Variants in SIPA1L3 observed in about 807,000 individuals in gnomAD.
The protein encoded by SIPA1L3 is signal induced proliferation associated 1 like 3.
A neutral mutation model predicts 150.1 loss-of-function variants in SIPA1L3; 59 were observed. The ratio of observed to expected loss-of-function variants is 0.39; its 90% CI spans 0.32 to 0.49. SIPA1L3 has a LOEUF of 0.49. Ranked by LOEUF, SIPA1L3 falls within the 20% of genes least tolerant of loss-of-function variation. The pLI is 0.86. For synonymous variants in SIPA1L3, 1,070 were observed against 1,077.6 expected (o/e 0.99, Z 0.14); for missense variants, 2,211 against 2,489.5 (o/e 0.89, Z 2.38).
intron 7 of SIPA1L3, 98 bp downstream of exon 7, chr19:38,106,738 C>A: frequency 1.2e-6 from 1 of 813,082 alleles, no homozygotes; most frequent in South Asian, 1.5e-5. Context: ...TATGGAGGCC[C>A]TTGACCTTGG....
At chr19:38,097,605 G>A (rs1970408597) in intron 4 of SIPA1L3, among the ~76,000 whole-genome samples, 1 of 152,144 alleles carries the variant, frequency 6.6e-6, no homozygotes, top group South Asian at 2.1e-4. Flanking sequence ...TGCCCAGGCT[G>A]GAGTGCAATG....
intron 1 of SIPA1L3, among the ~76,000 whole-genome samples, chr19:37,998,638 A>G (rs1354848634): frequency 6.6e-6 from 1 of 152,062 alleles, no homozygotes; most frequent in Admixed American, 6.6e-5. Flanking sequence ...AAATAAATTA[A>G]TTAACCAGAC....
rs372585991 is a variant in SIPA1L3 at position 38,022,144 on chromosome 19, C to T, written c.-378-6945C>T. 8.5e-5 allele frequency among the ~76,000 whole-genome samples: 13 copies of T among 152,224 alleles called. No homozygotes were observed. In the East Asian group the frequency reaches 9.6e-4, roughly 11 times the overall value. ...AAATCCCTCCTGGCTGTGCCGTCTA[C>T]TTGCTGTGTGATCTTGGGCAAGGTA... On this transcript the variant is annotated intron_variant, in intron 1 of 21. Transcript: ENST00000222345.
At chr19:38,030,592 T>G (rs1968625163) in intron 2 of SIPA1L3, among the ~76,000 whole-genome samples, 1 of 146,158 alleles carries the variant, frequency 6.8e-6, no homozygotes, top group Non-Finnish European at 1.5e-5. Flanking sequence ...TAATGGGTAT[T>G]TACACATATT....
chr19:38,198,262 C>G, intron 18 of SIPA1L3, 127 bp from the exon 19 acceptor site: 1 of 1,131,752 alleles, frequency 8.8e-7, no homozygotes. Context: ...CACTCCCAGA[C>G]CCCTTACCCT....
At chr19:38,192,009 C>A in intron 16 of SIPA1L3, 136 bp from the exon 17 acceptor site, 1 of 730,580 alleles carries the variant, frequency 1.4e-6, no homozygotes, top group Non-Finnish European at 2.2e-6. Flanking sequence ...CCCCTCTCTG[C>A]CACGCGTTTG....
Position 38,082,316 on chromosome 19 carries a change from A to C in SIPA1L3, c.751A>C (p.Met251Leu), listed in dbSNP as rs1246183328. 2 of 1,599,028 alleles carry C rather than the reference A, an allele frequency of 1.3e-6. No individual in the cohort carries two copies. The highest frequency in any genetic ancestry group is 1.7e-6 in the Non-Finnish European group (2 of 1,179,132). Reference sequence around the variant, plus strand: ...CCGGGCAGATCCTGGCCCACACCTCATGGGGGGCGGCGGCGGAGCCAAGGG... The same window carrying C: ...CCGGGCAGATCCTGGCCCACACCTCCTGGGGGGCGGCGGCGGAGCCAAGGG... ...LLRADPGPHL[M>L]GGGGGAKGDS... Residue 251 changes from methionine (M) to leucine (L), a missense_variant, in exon 3 of 22, where the codon ATG becomes CTG. Around this residue, in one of 5 missense-constraint regions of SIPA1L3, gnomAD observed 587 missense variants for 534.5 expected, o/e 1.10. Coordinates refer to ENST00000222345, the MANE Select transcript of SIPA1L3 (RefSeq NM_015073.3).
chr19:38,000,616 G>A (rs1208722086), intron 1 of SIPA1L3, among the ~76,000 whole-genome samples: 1 of 148,414 alleles, frequency 6.7e-6, no homozygotes, highest in African/African-American at 2.5e-5. Flanking sequence ...TTTCATCGTT[G>A]AAAAATGTTA....
Position 37,972,020 on chromosome 19 carries a change from A to G in SIPA1L3, c.-378-57069A>G, listed in dbSNP as rs1966952938. 2.0e-5 allele frequency among the ~76,000 whole-genome samples: 3 copies of G among 152,326 alleles called. No homozygotes were observed. The South Asian group carries it at 6.2e-4, about 32-fold the overall frequency. ...TTTGGGTTGTTTCCACGTTTTAGCT[A>G]TTATGAATAATGCTATAAACATTCA... On this transcript the variant is annotated intron_variant, in intron 1 of 21. Coordinates refer to ENST00000222345, the MANE Select transcript of SIPA1L3 (RefSeq NM_015073.3).
At chr19:38,205,564 C>T (rs774775757) in intron 21 of SIPA1L3, among the ~76,000 whole-genome samples, 9 of 152,062 alleles carry the variant, frequency 5.9e-5, no homozygotes, top group Non-Finnish European at 1.3e-4. Flanking sequence ...GTCTTCGAGC[C>T]GTGGAATCAA....
rs1028729170 is a variant in SIPA1L3, at chr19:38,085,753, G to A, written c.1534+2654G>A. 3.3e-5 allele frequency among the ~76,000 whole-genome samples: 5 copies of A among 152,196 alleles called. No individual in the cohort carries two copies. In the East Asian group the frequency reaches 9.6e-4, roughly 29 times the overall value. On this transcript the variant is annotated intron_variant, in intron 3 of 21. Transcript: ENST00000222345. ...TCATGCCTGTAATCCCCGCACTTTGGGAGGCCCGAGGCGGGCAGATCACGT... is the reference window on the plus strand; with the variant it reads ...TCATGCCTGTAATCCCCGCACTTTGAGAGGCCCGAGGCGGGCAGATCACGT...
At chr19:37,998,227 C>T (rs1265076744) in intron 1 of SIPA1L3, among the ~76,000 whole-genome samples, 2 of 152,176 alleles carry the variant, frequency 1.3e-5, no homozygotes, top group Admixed American at 6.5e-5. Flanking sequence ...TTTGTATCGC[C>T]TAGAGTCCCT....
chr19:38,182,652 A>G lies in SIPA1L3; in HGVS notation c.4342A>G (p.Lys1448Glu), dbSNP rs779850199. Residue 1448 changes from lysine (K) to glutamate (E), a missense_variant, in exon 16 of 22, where the codon AAG becomes GAG. Lys to Glu is a moderately conservative substitution (Grantham distance 56). Coordinates refer to ENST00000222345, the MANE Select transcript of SIPA1L3 (RefSeq NM_015073.3). ...SASVPKSFFS[K>E]QPVRNKHPTG... ...CTCCGTCCCCAAGTCCTTCTTCTCC[A>G]AGCAGCCTGTACGCAATAAGCACCC... The G allele has an allele frequency of 6.2e-7, 1 of 1,614,098 alleles. No individual in the cohort carries two copies. The highest frequency in any genetic ancestry group is 1.1e-5 in the South Asian group (1 of 91,074).
At chr19:38,193,948 C>T (rs1251025684) in intron 18 of SIPA1L3, among the ~76,000 whole-genome samples, 168 bp downstream of exon 18, 1 of 152,116 alleles carries the variant, frequency 6.6e-6, no homozygotes, top group Non-Finnish European at 1.5e-5. Flanking sequence ...GATGGTGGGG[C>T]ACTGGGTGTC....
intron 2 of SIPA1L3, among the ~76,000 whole-genome samples, chr19:38,038,936 T>G (rs1268958070): frequency 1.3e-5 from 2 of 152,154 alleles, no homozygotes; most frequent in Non-Finnish European, 2.9e-5. Flanking sequence ...CAGGCTGGAG[T>G]GCAGTGGCAC....
chr19:38,135,900 C>T (rs1347385619), intron 10 of SIPA1L3, among the ~76,000 whole-genome samples: 3 of 151,898 alleles, frequency 2.0e-5, no homozygotes, highest in Admixed American at 6.6e-5. Context: ...AGCTCTGAGG[C>T]GAGCAGTGAG....
chr19:38,173,332 C>T (rs1463563895), intron 15 of SIPA1L3, among the ~76,000 whole-genome samples: 6 of 152,202 alleles, frequency 3.9e-5, no homozygotes, highest in African/African-American at 1.2e-4. Context: ...TTGTGCCCAT[C>T]GATGACCTCA....
chr19:37,959,821 T>C (rs1406030434), intron 1 of SIPA1L3, among the ~76,000 whole-genome samples: 5 of 151,624 alleles, frequency 3.3e-5, no homozygotes, highest in East Asian at 3.9e-4. Context: ...AACTTTCTTT[T>C]TTTTTTTTTT....
At chr19:38,074,559 G>C (rs1600010772) in intron 2 of SIPA1L3, among the ~76,000 whole-genome samples, 1 of 152,262 alleles carries the variant, frequency 6.6e-6, no homozygotes, top group South Asian at 2.1e-4. Flanking sequence ...CTGGTGCCCA[G>C]CACAGCGGAC....
Sources: gnomAD v4.1 joint callset for allele counts (sites outside exome capture counted in the v4.1 genomes callset) on GRCh38, gnomAD v4.1.1 for gene constraint, gnomAD v4.1.1 regional missense constraint, MANE v1.5 for transcripts, NCBI Gene and HGNC (gene_info 2026-07-23, HGNC 2026-07-21) for gene names.